The following BDH1 variants were observed in gnomAD, a reference collection of about 807,000 sequenced individuals.
BDH1 encodes the protein D-beta-hydroxybutyrate dehydrogenase, mitochondrial.
Under a neutral mutation model 33.1 loss-of-function variants are expected in BDH1, and 30 were observed. That is an observed-to-expected ratio of 0.91 (90% CI 0.68 to 1.23). The LOEUF is 1.23. Ranked by LOEUF, BDH1 falls within the 50% of genes most tolerant of loss-of-function variation. The probability of loss-of-function intolerance (pLI) is 0.00; values close to 1 mark genes in which losing one functional copy is unlikely to be tolerated. For missense variants in BDH1, 443 were observed against 464.4 expected (o/e 0.95, Z 0.42); for synonymous variants, 190 against 183.6 (o/e 1.03, Z -0.28).
chr3:197,522,679 C>T lies in BDH1; in HGVS notation c.370G>A (p.Val124Met), dbSNP rs1417534920. 1 of 1,614,216 alleles carries T rather than the reference C, an allele frequency of 6.2e-7. No individual in the cohort carries two copies. Among genetic ancestry groups the T allele is most frequent in the South Asian group, 1.1e-5 (1 of 91,082 alleles). Residue 124 changes from valine to methionine, a missense_variant, in exon 6 of 8, where the codon GTG becomes ATG. Transcript: ENST00000392379. This position sits in a 1 kb window ranked among gnomAD's most constrained non-coding sequence, Gnocchi z 4.8. ...TTCAGGCTCGAGCGGACAATCTCCA[C>T]CACTTTCTCCACCTCTTCGCTGCTG... ...VCSSEEVEKV[V>M]EIVRSSLKDP...
Position 197,511,811 on chromosome 3 carries a change from G to T in BDH1, c.*84C>A. ...CTGGCATGGTGGATAATCCACACGTGGATAATCAAGAGTTGACTATATGGG... is the reference window on the plus strand; with the variant it reads ...CTGGCATGGTGGATAATCCACACGTTGATAATCAAGAGTTGACTATATGGG... On this transcript the variant is annotated 3_prime_UTR_variant, in exon 8 of 8. Transcript: ENST00000392379. 7.7e-7 allele frequency: 1 copy of T among 1,299,294 alleles called. No homozygotes were observed. Among genetic ancestry groups the T allele is most frequent in the Non-Finnish European group, 1.1e-6 (1 of 939,686 alleles). 80.5% of individuals were successfully genotyped at this position (1,299,294 alleles called of 1,614,324 possible).
intron 7 of BDH1, among the ~76,000 whole-genome samples, chr3:197,513,142 T>G (rs1181112743): frequency 6.6e-6 from 1 of 152,190 alleles, no homozygotes; most frequent in Non-Finnish European, 1.5e-5. Flanking sequence ...GAGAGTGTGG[T>G]GATCCCCCTC....
At chr3:197,546,243 G>A in intron 3 of BDH1, 118 bp downstream of exon 3, 1 of 977,072 alleles carries the variant, frequency 1.0e-6, no homozygotes, top group East Asian at 2.4e-5. Flanking sequence ...GGAGACAAAG[G>A]TATTGAGAGA....
At chr3:197,530,173 T>C (rs1220745552) in intron 5 of BDH1, 1 of 152,162 alleles carries the variant, frequency 6.6e-6, no homozygotes, top group Non-Finnish European at 1.5e-5. Flanking sequence ...TTCCCACCTA[T>C]CAGACTGGCA....
chr3:197,549,145 TC>T lies in BDH1; in HGVS notation c.-43-2660del, dbSNP rs554464500. Reference sequence around the variant, plus strand: ...TGCTCAGTCTCCTCAGCCTTGAAAGTCAAGTAATTAGTTGCCCTGAGGTGAC... The same window carrying T: ...TGCTCAGTCTCCTCAGCCTTGAAAGTAAGTAATTAGTTGCCCTGAGGTGAC... On this transcript the variant is annotated intron_variant, in intron 2 of 7. Transcript: ENST00000392379. 4.1e-4 allele frequency among the ~76,000 whole-genome samples: 63 copies of T among 152,236 alleles called. 1 individual carries two copies. The South Asian group carries it at 0.013, about 32-fold the overall frequency.
rs1282029108 is a variant in BDH1, at chr3:197,512,095, C to G, written c.832G>C (p.Asp278His). 1 of 1,614,202 alleles carries G rather than the reference C, an allele frequency of 6.2e-7. No individual in the cohort carries two copies. The highest frequency in any genetic ancestry group is 1.7e-5 in the Admixed American group (1 of 60,024). ...VRKDYGKKYF[D>H]EKIAKMETYC... is the part of the protein sequence containing the mutation. ...GTCTCCATCTTGGCGATCTTTTCATCAAAGTACTTCTTGCCGTAGTCCTTG... is the reference window on the plus strand; with the variant it reads ...GTCTCCATCTTGGCGATCTTTTCATGAAAGTACTTCTTGCCGTAGTCCTTG... Residue 278 changes from aspartate to histidine, a missense_variant, in exon 8 of 8, where the codon GAT (aspartate) becomes CAT (histidine). Physicochemically the swap from Asp to His is moderately conservative, Grantham distance 81 (BLOSUM62 -1). Transcript: ENST00000392379.
At chr3:197,566,773 A>T (rs1717447506) in intron 1 of BDH1, among the ~76,000 whole-genome samples, 1 of 152,166 alleles carries the variant, frequency 6.6e-6, no homozygotes, top group East Asian at 1.9e-4. Flanking sequence ...GTTTGAACTG[A>T]ATTCTAATTT....
intron 5 of BDH1, among the ~76,000 whole-genome samples, chr3:197,532,140 C>T (rs1378016143): frequency 6.6e-6 from 1 of 152,194 alleles, no homozygotes; most frequent in African/African-American, 2.4e-5. Flanking sequence ...AGGGCAGGGA[C>T]AAGGTCTCAT....
At position 197,521,412 on chromosome 3, in the gene BDH1, C is replaced by T. The variant is rs1468601573; in HGVS notation, c.409+1228G>A. ...TACTGGAACTTTCTGTAGCTTTTGA[C>T]CCTGTTGGCTACTGGTACTGCCCTC... On this transcript the variant is annotated intron_variant, in intron 6 of 7. Transcript: ENST00000392379. The surrounding 1 kb of genome is among the most constrained non-coding windows in gnomAD (Gnocchi z 4.9). 6.6e-6 allele frequency among the ~76,000 whole-genome samples: 1 copy of T among 152,140 alleles called. No individual in the cohort carries two copies. Among genetic ancestry groups the T allele is most frequent in the African/African-American group, 2.4e-5 (1 of 41,406 alleles).
intron 1 of BDH1, among the ~76,000 whole-genome samples, chr3:197,561,657 G>A (rs1221944686): frequency 6.6e-6 from 1 of 151,916 alleles, no homozygotes; most frequent in Non-Finnish European, 1.5e-5. Context: ...GTTTGTTCTG[G>A]TTGCTTTCCC....
At chr3:197,531,389 T>C (rs1714628941) in intron 5 of BDH1, among the ~76,000 whole-genome samples, 1 of 147,992 alleles carries the variant, frequency 6.8e-6, no homozygotes, top group South Asian at 2.1e-4. Context: ...AAAGTAAGAC[T>C]CTGTCTCAAA....
upstream of BDH1, among the ~76,000 whole-genome samples, chr3:197,559,476 G>T (rs977232543): frequency 6.6e-6 from 1 of 152,198 alleles, no homozygotes; most frequent in African/African-American, 2.4e-5. Context: ...TGTGATTCAT[G>T]AACTCATACT....
At position 197,522,666 on chromosome 3, in the gene BDH1, C is replaced by G; in HGVS notation, c.383G>C (p.Arg128Pro). Reference protein sequence around the residue: ...EEVEKVVEIVRSSLKDPEKGM... With the variant: ...EEVEKVVEIVPSSLKDPEKGM... The stretch of plus-strand genomic sequence containing the variant: ...TTTCTCAGGGTCCTTCAGGCTCGAG[C>G]GGACAATCTCCACCACTTTCTCCAC... The change falls in exon 6 of 8, where the codon CGC (arginine) becomes CCC (proline). Residue 128 changes from arginine to proline, a missense_variant. Arg to Pro is a moderately radical substitution (Grantham distance 103). Coordinates refer to ENST00000392379, the MANE Select transcript of BDH1 (RefSeq NM_203314.3). This position sits in a 1 kb window ranked among gnomAD's most constrained non-coding sequence, Gnocchi z 4.8. 1.2e-6 allele frequency: 2 copies of G among 1,614,150 alleles called. No individual in the cohort carries two copies. Among genetic ancestry groups the G allele is most frequent in the Non-Finnish European group, 1.7e-6 (2 of 1,180,026 alleles).
chr3:197,555,037 GC>G (rs1166928509), intron 1 of BDH1, among the ~76,000 whole-genome samples: 1 of 152,244 alleles, frequency 6.6e-6, no homozygotes, highest in Admixed American at 6.5e-5. Flanking sequence ...CCCAGCCAAA[GC>G]CCCCTTGTCC....
At chr3:197,553,138 A>G (rs112399476) in intron 2 of BDH1, among the ~76,000 whole-genome samples, 20,000 of 150,922 alleles carry the variant, frequency 0.13, 1,486 homozygotes, top group African/African-American at 0.17. Flanking sequence ...GGCTGGTCTC[A>G]AACTCCTAAC....
chr3:197,524,234 A>T (rs4857524), intron 5 of BDH1, among the ~76,000 whole-genome samples: 68,290 of 152,186 alleles, frequency 0.45, 18,365 homozygotes, highest in African/African-American at 0.77. Context: ...GTAAGAGGAC[A>T]GGACTAGCAG....
chr3:197,519,040 G>C (rs62282546), intron 6 of BDH1, among the ~76,000 whole-genome samples: 2 of 68,860 alleles, frequency 2.9e-5, no homozygotes, highest in East Asian at 4.7e-4. Context: ...TCCATCCCCC[G>C]CTCAGGCACC....
intron 3 of BDH1, among the ~76,000 whole-genome samples, chr3:197,542,521 C>CTTTTTTTTTTTTTTTTTTT (rs71164295): frequency 2.8e-5 from 3 of 106,420 alleles, no homozygotes; most frequent in African/African-American, 1.3e-4. Context: ...TTCTTGCTTG[C>CTTTTTTTTTTTTTTTTTTT]TTTTTTTTTT....
At chr3:197,545,512 T>C (rs572905190) in intron 3 of BDH1, among the ~76,000 whole-genome samples, 3 of 150,838 alleles carry the variant, frequency 2.0e-5, no homozygotes, top group African/African-American at 7.3e-5. Flanking sequence ...CCAGCGAGAG[T>C]GTCAAGGTCG....
Sources: gnomAD v4.1 joint callset for allele counts (sites outside exome capture counted in the v4.1 genomes callset) on GRCh38, gnomAD v4.1.1 for gene constraint, Gnocchi (gnomAD v3.1) non-coding constraint, MANE v1.5 for transcripts, NCBI Gene and HGNC (gene_info 2026-07-23, HGNC 2026-07-21) for gene names.